COL21A1: variants seen among roughly 807,000 people sequenced by gnomAD.
COL21A1 encodes collagen alpha-1(XXI) chain.
In COL21A1, 149 loss-of-function variants were observed where a neutral mutation model predicts 137.9. That is an observed-to-expected ratio of 1.08 (90% CI 0.95 to 1.24). COL21A1 has a LOEUF of 1.24. COL21A1 is among the 50% of genes most tolerant of loss of function. The pLI is 0.00. For missense variants in COL21A1, 1,167 were observed against 1,158.4 expected (o/e 1.01, Z -0.11); for synonymous variants, 456 against 391.5 (o/e 1.16, Z -1.95).
intron 25 of COL21A1, 72 bp downstream of exon 25, chr6:56,061,577 T>TA: frequency 1.1e-6 from 1 of 934,454 alleles, no homozygotes; most frequent in East Asian, 2.6e-5. Context: ...GCTAGATTTA[T>TA]ATAGTATTGA....
chr6:56,169,091 C>G (rs1776827735), intron 5 of COL21A1, among the ~76,000 whole-genome samples: 1 of 151,994 alleles, frequency 6.6e-6, no homozygotes, highest in Non-Finnish European at 1.5e-5. Flanking sequence ...AGTAACTAAC[C>G]AGATGCAGAG....
At chr6:56,139,027 A>G (rs1485790627) in intron 12 of COL21A1, among the ~76,000 whole-genome samples, 2 of 152,180 alleles carry the variant, frequency 1.3e-5, no homozygotes, top group East Asian at 3.9e-4. Context: ...TTCGCCCATA[A>G]TAAGAGGAGG....
At chr6:56,394,014 T>C (rs2094035277) in exon 1 of COL21A1, 1 of 152,290 alleles carries the variant, frequency 6.6e-6, no homozygotes, top group Non-Finnish European at 1.5e-5. Flanking sequence ...ACTCATGTGG[T>C]GGCTGCAGGT....
chr6:56,183,523 T>C (rs1181901205), intron 1 of COL21A1, among the ~76,000 whole-genome samples: 2 of 152,208 alleles, frequency 1.3e-5, no homozygotes, highest in African/African-American at 4.8e-5. Flanking sequence ...CAGTTCCTTC[T>C]GGTGAGCCTT....
intron 1 of COL21A1, among the ~76,000 whole-genome samples, chr6:56,262,234 G>A (rs1763296017): frequency 6.6e-6 from 1 of 152,086 alleles, no homozygotes; most frequent in African/African-American, 2.4e-5. Context: ...GGCTTAAATA[G>A]CATTTCTTTG....
intron 1 of COL21A1, among the ~76,000 whole-genome samples, chr6:56,183,754 A>C (rs933815065): frequency 3.9e-5 from 6 of 152,200 alleles, no homozygotes; most frequent in Non-Finnish European, 8.8e-5. Context: ...AAGTAGCAAA[A>C]AGTGTTTGTA....
chr6:56,373,124 AG>A (rs1041458437), intron 1 of COL21A1, among the ~76,000 whole-genome samples: 3 of 152,144 alleles, frequency 2.0e-5, no homozygotes, highest in Non-Finnish European at 4.4e-5. Flanking sequence ...GTTCAGTGTC[AG>A]GTCTGTGGGC....
intron 1 of COL21A1, among the ~76,000 whole-genome samples, chr6:56,378,109 G>C (rs534535164): frequency 1.6e-4 from 24 of 152,318 alleles, no homozygotes; most frequent in African/African-American, 5.5e-4. Context: ...GAGACTCTGA[G>C]ACTTACTGGC....
intron 14 of COL21A1, among the ~76,000 whole-genome samples, chr6:56,124,535 T>G (rs1255038488): frequency 6.6e-6 from 1 of 152,190 alleles, no homozygotes; most frequent in Non-Finnish European, 1.5e-5. Flanking sequence ...AAATAACATC[T>G]TGGCAAAATT....
intron 1 of COL21A1, among the ~76,000 whole-genome samples, chr6:56,327,553 G>C (rs1765124133): frequency 3.8e-4 from 2 of 5,216 alleles, no homozygotes; most frequent in South Asian, 0.077. Context: ...TGAAGCAAAA[G>C]GAGAAATATC....
intron 16 of COL21A1, among the ~76,000 whole-genome samples, chr6:56,112,216 T>C (rs1312950228): frequency 6.6e-6 from 1 of 152,096 alleles, no homozygotes; most frequent in Non-Finnish European, 1.5e-5. Context: ...GGTGCTAGAA[T>C]AACTGAATCT....
rs1164809490 is a variant in COL21A1 at position 56,164,826 on chromosome 6, A to T, written c.1279-4T>A. 1 of 1,555,346 alleles carries T rather than the reference A, an allele frequency of 6.4e-7. No homozygotes were observed. Among genetic ancestry groups the T allele is most frequent in the South Asian group, 1.2e-5 (1 of 82,932 alleles). On this transcript the variant is annotated splice_polypyrimidine_tract_variant and splice_region_variant and intron_variant, in intron 7 of 29. Coordinates refer to ENST00000244728, the MANE Select transcript of COL21A1 (RefSeq NM_030820.4). ...TATCCAAGCCTACCTCTCCATTCTG[A>T]AAGAAAAACAACAAATGTGTTTTAA...
At position 56,057,416 on chromosome 6, in the gene COL21A1, T is replaced by C; in HGVS notation, c.*241A>G. ...TATATTCAACTTTGATTAACATAAA[T>C]GGACTTTACAAGAAACCCTTGAGAT... is the stretch of plus-strand genomic sequence containing the variant. On this transcript the variant is annotated 3_prime_UTR_variant, in exon 30 of 30. Coordinates refer to ENST00000244728, the MANE Select transcript of COL21A1 (RefSeq NM_030820.4). 2.1e-6 allele frequency: 1 copy of C among 470,328 alleles called. No homozygotes were observed. The highest frequency in any genetic ancestry group is 3.7e-6 in the Non-Finnish European group (1 of 269,452). 29.1% of individuals were successfully genotyped at this position (470,328 alleles called of 1,614,324 possible). A position where few individuals can be genotyped will look rare whatever the true frequency, so the allele number is the denominator to read the frequency against.
intron 1 of COL21A1, among the ~76,000 whole-genome samples, chr6:56,197,744 C>T (rs1392487802): frequency 6.6e-6 from 1 of 152,036 alleles, no homozygotes; most frequent in African/African-American, 2.4e-5. Context: ...CACTTGTACA[C>T]TGTTGGTGGA....
chr6:56,279,098 G>A (rs1388447794), intron 1 of COL21A1, among the ~76,000 whole-genome samples: 1 of 152,144 alleles, frequency 6.6e-6, no homozygotes, highest in African/African-American at 2.4e-5. Context: ...GAATGGTTTA[G>A]CACCATCCTC....
rs549644979 is a variant in COL21A1, at chr6:56,127,619, TTGA to T, written c.1543-1473_1543-1471del. Among the ~76,000 whole-genome samples, 594 of 152,302 alleles carry T rather than the reference TTGA, an allele frequency of 3.9e-3. 4 individuals are homozygous for T. The highest frequency in any genetic ancestry group is 0.014 in the African/African-American group (565 of 41,556). On this transcript the variant is annotated intron_variant, in intron 12 of 29. Coordinates refer to ENST00000244728, the MANE Select transcript of COL21A1 (RefSeq NM_030820.4). ...GTCCTTATTCTATTCATTTATATAA[TTGA>T]TGATAATTTAGAATTTTTAAATCAG...
chr6:56,057,573 G>A lies in COL21A1; in HGVS notation c.*84C>T, dbSNP rs1765435513. On this transcript the variant is annotated 3_prime_UTR_variant, in exon 30 of 30. Coordinates refer to ENST00000244728, the MANE Select transcript of COL21A1 (RefSeq NM_030820.4). ...CCGAGGTACTTAAGTTTCTTTTCAA[G>A]GGATTACTGTTGGTTATCTTCCTGA... 6.9e-6 allele frequency: 9 copies of A among 1,295,266 alleles called. No homozygotes were observed. The highest frequency in any genetic ancestry group is 9.8e-6 in the Non-Finnish European group (9 of 917,044). 80.2% of individuals were successfully genotyped at this position (1,295,266 alleles called of 1,614,324 possible). A position where few individuals can be genotyped will look rare whatever the true frequency, so the allele number is the denominator to read the frequency against.
At chr6:56,140,228 C>T (rs1774313770) in intron 12 of COL21A1, among the ~76,000 whole-genome samples, 1 of 152,084 alleles carries the variant, frequency 6.6e-6, no homozygotes, top group Non-Finnish European at 1.5e-5. Context: ...CAAAGAATAG[C>T]TTTAAAGCAT....
At chr6:56,355,410 G>C (rs1554185118) in intron 1 of COL21A1, among the ~76,000 whole-genome samples, 1 of 150,768 alleles carries the variant, frequency 6.6e-6, no homozygotes, top group Non-Finnish European at 1.5e-5. Context: ...AAATTACAAG[G>C]AAAAAAAAGG....
Sources: gnomAD v4.1 joint callset for allele counts (sites outside exome capture counted in the v4.1 genomes callset) on GRCh38, gnomAD v4.1.1 for gene constraint, MANE v1.5 for transcripts, NCBI Gene and HGNC (gene_info 2026-07-23, HGNC 2026-07-21) for gene names.